COL15A1: variants seen among roughly 807,000 people sequenced by gnomAD.
COL15A1 encodes collagen type XV alpha 1 chain.
A neutral mutation model predicts 165.9 loss-of-function variants in COL15A1; 111 were observed. The observed-to-expected ratio is 0.67, with a 90% CI of 0.57 to 0.78. COL15A1 has a LOEUF of 0.78. COL15A1 is among the 30% of genes least tolerant of loss of function. The pLI, the probability that COL15A1 is intolerant of heterozygous loss-of-function variation, is 0.00. For synonymous variants in COL15A1, 659 were observed against 674.8 expected, an observed-to-expected ratio of 0.98 and a Z score of 0.36; for missense variants, 1,745 against 1,789.7, an observed-to-expected ratio of 0.98 and a Z score of 0.45.
At chr9:98,951,714 T>C (rs1378612091) in intron 2 of COL15A1, among the ~76,000 whole-genome samples, 2 of 151,892 alleles carry the variant, frequency 1.3e-5, no homozygotes, top group East Asian at 3.9e-4. Context: ...CATACCCTCA[T>C]ACCCAGCTAA....
intron 2 of COL15A1, among the ~76,000 whole-genome samples, chr9:98,979,699 G>A (rs1373651156): frequency 6.6e-6 from 1 of 151,464 alleles, no homozygotes; most frequent in Non-Finnish European, 1.5e-5. Flanking sequence ...TTTTTTCTAA[G>A]TGGTCAAATT....
At chr9:98,948,451 A>G (rs1248985876) in intron 2 of COL15A1, among the ~76,000 whole-genome samples, 2 of 152,242 alleles carry the variant, frequency 1.3e-5, no homozygotes, top group East Asian at 3.9e-4. Context: ...ACAAAAAATT[A>G]GCCAGGCATG....
At chr9:99,053,075 T>A (rs959049960) in intron 31 of COL15A1, among the ~76,000 whole-genome samples, 6 of 152,312 alleles carry the variant, frequency 3.9e-5, no homozygotes, top group African/African-American at 1.4e-4. Flanking sequence ...TGTCAGCATA[T>A]TCATAGCCAC....
chr9:98,949,616 T>G (rs1020362577), intron 2 of COL15A1, among the ~76,000 whole-genome samples: 1 of 152,252 alleles, frequency 6.6e-6, no homozygotes, highest in African/African-American at 2.4e-5. Context: ...ATTTCCATTT[T>G]CCTAATTATT....
chr9:98,996,111 A>G (rs1465310846), intron 5 of COL15A1, among the ~76,000 whole-genome samples: 1 of 152,244 alleles, frequency 6.6e-6, no homozygotes, highest in Non-Finnish European at 1.5e-5. Flanking sequence ...GTTATTAGTC[A>G]GGAAAGGTAA....
rs1381130529 is a variant in COL15A1, at chr9:98,943,922, G to A, written c.-140G>A. On this transcript the variant is annotated 5_prime_UTR_variant, in exon 1 of 42. Transcript: ENST00000375001. The stretch of plus-strand genomic sequence containing the variant: ...GGGAGCCGGGATTCTGCCCGCCGCC[G>A]CCGCTGCCGAGCGCCGCCTTTGTTC... 4.4e-6 allele frequency: 5 copies of A among 1,148,676 alleles called. No homozygotes were observed. The highest frequency in any genetic ancestry group is 2.3e-6 in the Non-Finnish European group (2 of 864,888). 71.2% of individuals were successfully genotyped at this position (1,148,676 alleles called of 1,614,324 possible).
chr9:98,961,313 T>G (rs564826173), intron 2 of COL15A1, among the ~76,000 whole-genome samples: 3 of 152,346 alleles, frequency 2.0e-5, no homozygotes, highest in African/African-American at 7.2e-5. Flanking sequence ...AAAAAGACTC[T>G]TTATGTTTAT....
intron 34 of COL15A1, among the ~76,000 whole-genome samples, chr9:99,055,699 G>A (rs1020240747): frequency 6.6e-6 from 1 of 152,232 alleles, no homozygotes; most frequent in Non-Finnish European, 1.5e-5. Context: ...CAGAATGGAA[G>A]GTAAGGAGAT....
At chr9:98,979,853 T>C (rs1160759753) in intron 2 of COL15A1, among the ~76,000 whole-genome samples, 1 of 152,084 alleles carries the variant, frequency 6.6e-6, no homozygotes, top group African/African-American at 2.4e-5. Context: ...TAGTTTAGTG[T>C]TTTCTAAAAT....
chr9:99,035,119 C>CG lies in COL15A1; in HGVS notation c.2185_2186insG (p.Pro729ArgfsTer25). The stretch of plus-strand genomic sequence containing the variant: ...AGGGCCTCCTGGACCCCCTGGGCCC[C>CG]CAGGCCCTGGATGCACAATGGGACT... On this transcript the variant is annotated frameshift_variant, in exon 18 of 42. Coordinates refer to ENST00000375001, the MANE Select transcript of COL15A1 (RefSeq NM_001855.5). LOFTEE classifies it high-confidence loss of function. The CG allele has an allele frequency of 6.2e-7, 1 of 1,602,930 alleles. No homozygotes were observed. Among genetic ancestry groups the CG allele is most frequent in the Non-Finnish European group, 8.5e-7 (1 of 1,175,622 alleles).
At chr9:98,957,557 C>T (rs916116261) in intron 2 of COL15A1, among the ~76,000 whole-genome samples, 1 of 152,194 alleles carries the variant, frequency 6.6e-6, no homozygotes, top group African/African-American at 2.4e-5. Flanking sequence ...GTCCTGGCCT[C>T]ATCTCCCAGA....
In COL15A1 at chr9:99,062,318, C is replaced by G; in HGVS notation, c.3591+14C>G. 2.5e-6 allele frequency: 4 copies of G among 1,587,582 alleles called. No homozygotes were observed. Among genetic ancestry groups the G allele is most frequent in the Non-Finnish European group, 3.5e-6 (4 of 1,155,630 alleles). On this transcript the variant is annotated intron_variant, in intron 38 of 41. Transcript: ENST00000375001. ...CTTTCCAGCAACGTGAGTAGTTACC[C>G]TGTTGGACTGCTCATGCATTCATTT...
At chr9:99,047,744 A>G (rs778688367) in intron 26 of COL15A1, 42 bp from the exon 27 acceptor site, 21 of 1,606,498 alleles carry the variant, frequency 1.3e-5, no homozygotes, top group Non-Finnish European at 1.7e-5. Flanking sequence ...CTGAACCAAG[A>G]CTTTCTGTTC....
chr9:99,027,381 A>C (rs1027080417), intron 16 of COL15A1, among the ~76,000 whole-genome samples: 2 of 152,170 alleles, frequency 1.3e-5, no homozygotes, highest in Non-Finnish European at 1.5e-5. Context: ...TTTAATTGGA[A>C]CCATAACTCA....
intron 28 of COL15A1, 78 bp downstream of exon 28, chr9:99,048,078 T>C (rs1365995807): frequency 2.5e-6 from 2 of 796,896 alleles, no homozygotes; most frequent in South Asian, 1.4e-5. Context: ...GAGCAGGGCC[T>C]GTGGACTGAA....
chr9:98,954,954 C>T (rs1837751630), intron 2 of COL15A1, among the ~76,000 whole-genome samples: 1 of 152,200 alleles, frequency 6.6e-6, no homozygotes, highest in Non-Finnish European at 1.5e-5. Flanking sequence ...CCATTTTGCA[C>T]ATGTCTGTGG....
chr9:99,040,601 G>A (rs1354220019), intron 23 of COL15A1, 45 bp downstream of exon 23: 3 of 1,614,124 alleles, frequency 1.9e-6, no homozygotes, highest in Non-Finnish European at 1.7e-6. Context: ...CCGTGGCTGC[G>A]ATCATTCTGT....
chr9:98,999,396 C>T lies in COL15A1; in HGVS notation c.953-1443C>T, dbSNP rs534987515. 5.9e-5 allele frequency among the ~76,000 whole-genome samples: 9 copies of T among 152,228 alleles called. No individual in the cohort carries two copies. The South Asian group carries it at 1.7e-3, about 28-fold the overall frequency. On this transcript the variant is annotated intron_variant, in intron 6 of 41. Transcript: ENST00000375001. ...CCTGCAGGAAGGTGGTGGGAGGGGT[C>T]CCGGTGGGCAGGACAGGTGGGCCAG...
chr9:99,012,708 T>C (rs1046729904), intron 9 of COL15A1, among the ~76,000 whole-genome samples: 3 of 135,050 alleles, frequency 2.2e-5, no homozygotes, highest in African/African-American at 8.4e-5. Flanking sequence ...CCACCCTTTT[T>C]TTTTTTTTTT....
Sources: gnomAD v4.1 joint callset for allele counts (sites outside exome capture counted in the v4.1 genomes callset) on GRCh38, gnomAD v4.1.1 for gene constraint, MANE v1.5 for transcripts, NCBI Gene and HGNC (gene_info 2026-07-23, HGNC 2026-07-21) for gene names.